Variants in TET1 observed in about 807,000 individuals in gnomAD.
The protein encoded by TET1 is methylcytosine dioxygenase TET1.
A neutral mutation model predicts 148.7 loss-of-function variants in TET1; 13 were observed. That is an observed-to-expected ratio of 0.09 (90% CI 0.06 to 0.14). TET1 has a LOEUF of 0.14. TET1 is among the 10% of genes least tolerant of loss of function. The pLI, the probability that TET1 is intolerant of heterozygous loss-of-function variation, is 1.00. For synonymous variants in TET1, 907 were observed against 937.2 expected, an observed-to-expected ratio of 0.97 and a Z score of 0.59; for missense variants, 2,182 against 2,553.8, an observed-to-expected ratio of 0.85 and a Z score of 3.14.
chr10:68,675,016 G>T, intron 8 of TET1: 1 of 413,996 alleles, frequency 2.4e-6, no homozygotes, highest in Non-Finnish European at 4.4e-6. Context: ...TATGGTGAAG[G>T]TAGCAGTTCT....
At chr10:68,586,391 T>A (rs1484401867) in intron 2 of TET1, among the ~76,000 whole-genome samples, 1 of 151,958 alleles carries the variant, frequency 6.6e-6, no homozygotes, top group Non-Finnish European at 1.5e-5. Flanking sequence ...TTGGTCAGGC[T>A]GGTTTCAAAC....
intron 7 of TET1, among the ~76,000 whole-genome samples, chr10:68,672,181 C>G (rs1262384891): frequency 4.0e-5 from 6 of 151,738 alleles, no homozygotes; most frequent in African/African-American, 1.5e-4. Flanking sequence ...GGAACAAATC[C>G]AGGATTTAAA....
intron 3 of TET1, among the ~76,000 whole-genome samples, chr10:68,620,022 C>T (rs999851548): frequency 2.0e-5 from 3 of 151,950 alleles, no homozygotes; most frequent in Non-Finnish European, 4.4e-5. Context: ...GTGAAACCCC[C>T]GTCTCTACTA....
intron 1 of TET1, among the ~76,000 whole-genome samples, chr10:68,569,265 C>T (rs897571480): frequency 2.7e-5 from 4 of 150,186 alleles, no homozygotes; most frequent in Non-Finnish European, 4.4e-5. Context: ...CTCTGCCTCC[C>T]GGGTTCACGC....
At chr10:68,564,368 C>T (rs1208935433) in intron 1 of TET1, among the ~76,000 whole-genome samples, 4 of 151,934 alleles carry the variant, frequency 2.6e-5, no homozygotes, top group African/African-American at 4.8e-5. Flanking sequence ...AGGCTGGTTT[C>T]GAACTCCTGA....
chr10:68,612,436 A>G (rs12250122), intron 3 of TET1, among the ~76,000 whole-genome samples: 1,664 of 152,118 alleles, frequency 0.011, 29 homozygotes, highest in African/African-American at 0.037. Flanking sequence ...ACCCAATTCT[A>G]TAATCCCAGC....
At position 68,619,036 on chromosome 10, in the gene TET1, C is replaced by T. The variant is rs548992195; in HGVS notation, c.1968+18002C>T. Among the ~76,000 whole-genome samples the T allele has an allele frequency of 5.9e-5, 9 of 152,146 alleles. No homozygotes were observed. In the South Asian group the frequency reaches 1.2e-3, roughly 21 times the overall value. ...TCATTTAATAGTAGTTTTAAATTTT[C>T]GAAAGGAATTAAAGGTACAAAGGAA... On this transcript the variant is annotated intron_variant, in intron 3 of 11. Transcript: ENST00000373644.
intron 3 of TET1, among the ~76,000 whole-genome samples, chr10:68,621,921 C>CT (rs577660939): frequency 2.6e-5 from 4 of 151,884 alleles, no homozygotes; most frequent in South Asian, 2.1e-4. Context: ...ATATGTTTGT[C>CT]TTTTTTTTAT....
intron 2 of TET1, among the ~76,000 whole-genome samples, chr10:68,591,300 C>G (rs2053916122): frequency 6.6e-6 from 1 of 152,062 alleles, no homozygotes; most frequent in Non-Finnish European, 1.5e-5. Flanking sequence ...TTTTTGGTTC[C>G]TCTCTTTTTT....
Position 68,583,627 on chromosome 10 carries a change from G to GC in TET1, c.1914+9376dup, listed in dbSNP as rs370419844. The stretch of plus-strand genomic sequence containing the variant: ...GCAGAGAGAGCAGTAGAAGTGAGAT[G>GC]CTTGACCGGACACGGTGGCTCTCGC... On this transcript the variant is annotated intron_variant, in intron 2 of 11. Coordinates refer to ENST00000373644, the MANE Select transcript of TET1 (RefSeq NM_030625.3). Among the ~76,000 whole-genome samples the GC allele has an allele frequency of 2.3e-3, 349 of 152,238 alleles. 3 individuals carry two copies. Among genetic ancestry groups the GC allele is most frequent in the African/African-American group, 7.7e-3 (321 of 41,542 alleles).
At chr10:68,664,423 ATTTTT>A (rs1364109261) in intron 6 of TET1, among the ~76,000 whole-genome samples, 1 of 146,516 alleles carries the variant, frequency 6.8e-6, no homozygotes, top group South Asian at 2.2e-4. Flanking sequence ...ATTTTTTTTA[ATTTTT>A]TTGAGACAGA....
At chr10:68,593,425 GT>G (rs967860860) in intron 2 of TET1, among the ~76,000 whole-genome samples, 1 of 135,492 alleles carries the variant, frequency 7.4e-6, no homozygotes, top group Non-Finnish European at 1.7e-5. Flanking sequence ...AAAAAATAAA[GT>G]TTTTTTAAAA....
rs978987457 is a variant in TET1, at chr10:68,573,634, C to T, written c.1296C>T (p.Phe432=). 6 of 1,614,060 alleles carry T rather than the reference C, an allele frequency of 3.7e-6. No homozygotes were observed. The highest frequency in any genetic ancestry group is 2.7e-5 in the African/African-American group (2 of 74,918). ...GTGTTGTCCCAGACTTGCCTGTCTTCCTTCCTGTTCCTCCAAATCCAATTG... is the reference window on the plus strand; with the variant it reads ...GTGTTGTCCCAGACTTGCCTGTCTTTCTTCCTGTTCCTCCAAATCCAATTG... The part of the protein sequence containing the change: ...SGSVVPDLPV[F]LPVPPNPIAT... Residue 432 remains phenylalanine, a synonymous_variant, in exon 2 of 12, where the codon TTC becomes TTT. Transcript: ENST00000373644.
intron 4 of TET1, among the ~76,000 whole-genome samples, chr10:68,648,430 G>A (rs781582099): frequency 5.9e-5 from 9 of 152,184 alleles, no homozygotes; most frequent in Non-Finnish European, 1.2e-4. Flanking sequence ...TCGTTAGGCT[G>A]CTTGAAGCCC....
chr10:68,684,276 C>T (rs1465891323), intron 10 of TET1, among the ~76,000 whole-genome samples: 2 of 151,766 alleles, frequency 1.3e-5, no homozygotes, highest in African/African-American at 4.8e-5. Context: ...CAGCCTCTTA[C>T]AGTGTGATTG....
intron 8 of TET1, 115 bp from the exon 9 acceptor site, chr10:68,681,284 A>C: frequency 5.4e-6 from 3 of 558,406 alleles, no homozygotes; most frequent in Non-Finnish European, 6.3e-6. Flanking sequence ...CTATTTTATC[A>C]GGATAAGTAT....
rs34385747 is a variant in TET1, at chr10:68,569,166, C to CTTTTTTTTTTTTTTTTTTTTTTTTTTTTT, written c.-122-3027_-122-3026insTTTTTTTTTTTTTTTTTTTTTTTTTTTTT. On this transcript the variant is annotated intron_variant, in intron 1 of 11. Transcript: ENST00000373644. ...GCTGGATCTCCAGGCAGGAGAGTTTCTTTTTTTTTTTTTTTTTTTTTTTTG... is the reference window on the plus strand; with the variant it reads ...GCTGGATCTCCAGGCAGGAGAGTTTCTTTTTTTTTTTTTTTTTTTTTTTTTTTTTTTTTTTTTTTTTTTTTTTTTTTTTG... Among the ~76,000 whole-genome samples the CTTTTTTTTTTTTTTTTTTTTTTTTTTTTT allele has an allele frequency of 7.2e-5, 5 of 69,778 alleles. 1 individual carries two copies. The highest frequency in any genetic ancestry group is 2.3e-4 in the African/African-American group (4 of 17,398). The allele number at this position is 69,778 out of a possible 152,430, so 45.8% of individuals were successfully genotyped here.
rs201600386 is a variant in TET1 at position 68,658,878 on chromosome 10, C to CA, written c.4461+6293dup. On this transcript the variant is annotated intron_variant, in intron 6 of 11. Transcript: ENST00000373644. ...ATGAGACCCTGTCTCAAGAAAAAAA[C>CA]AAAAAAAAATAGTATTTTAAAAATT... Among the ~76,000 whole-genome samples the CA allele has an allele frequency of 6.8e-3, 1,021 of 149,876 alleles. 8 individuals are homozygous for CA. Among genetic ancestry groups the CA allele is most frequent in the African/African-American group, 0.023 (953 of 40,840 alleles).
At chr10:68,585,631 C>T (rs2053852211) in intron 2 of TET1, among the ~76,000 whole-genome samples, 1 of 152,082 alleles carries the variant, frequency 6.6e-6, no homozygotes, top group South Asian at 2.1e-4. Flanking sequence ...TGAGCTTACC[C>T]ATAGCTTGTA....
Sources: allele counts gnomAD v4.1 joint callset (sites outside exome capture counted in the v4.1 genomes callset), GRCh38; gene constraint gnomAD v4.1.1; transcripts MANE v1.5; gene names NCBI Gene and HGNC (gene_info 2026-07-23, HGNC 2026-07-21).